The following STAG1 variants were observed in gnomAD, a reference collection of about 807,000 sequenced individuals.
STAG1 encodes cohesin subunit SA-1.
STAG1 carries 26 observed loss-of-function variants against 170.9 expected under a neutral mutation model. The observed-to-expected ratio is 0.15, with a 90% CI of 0.11 to 0.21. The LOEUF is 0.21. STAG1 is among the 10% of genes least tolerant of loss of function. The probability of loss-of-function intolerance (pLI) is 1.00; values close to 1 mark genes in which losing one functional copy is unlikely to be tolerated. For synonymous variants in STAG1, 514 were observed against 497.7 expected, an observed-to-expected ratio of 1.03 and a Z score of -0.44; for missense variants, 964 against 1,509.5, an observed-to-expected ratio of 0.64 and a Z score of 5.99.
intron 1 of STAG1, among the ~76,000 whole-genome samples, chr3:136,639,961 T>C (rs1366166666): frequency 1.3e-5 from 2 of 152,184 alleles, no homozygotes; most frequent in East Asian, 3.8e-4. Context: ...TCTCCCACAA[T>C]TTATAACTCA....
intron 5 of STAG1, among the ~76,000 whole-genome samples, chr3:136,555,341 AAAT>A (rs561651121): frequency 6.6e-6 from 1 of 151,260 alleles, no homozygotes; most frequent in East Asian, 1.9e-4. Context: ...GCGAGTCTCT[AAAT>A]AATAATAATA....
At chr3:136,614,851 G>C (rs961746818) in intron 3 of STAG1, among the ~76,000 whole-genome samples, 14 of 152,264 alleles carry the variant, frequency 9.2e-5, no homozygotes, top group African/African-American at 3.4e-4. Context: ...AGCTGTGAAT[G>C]TGAAATAATC....
chr3:136,697,623 T>TA (rs1942937718), intron 1 of STAG1, among the ~76,000 whole-genome samples: 4 of 152,196 alleles, frequency 2.6e-5, no homozygotes, highest in Admixed American at 2.6e-4. Flanking sequence ...CTAATGTCAA[T>TA]AGCCTAAAGT....
chr3:136,749,801 C>G (rs1406725963), intron 1 of STAG1, among the ~76,000 whole-genome samples: 1 of 151,224 alleles, frequency 6.6e-6, no homozygotes, highest in African/African-American at 2.4e-5. Flanking sequence ...GCAATCACAG[C>G]TGACACCCTG....
At chr3:136,484,367 G>A (rs1219315053) in intron 9 of STAG1, among the ~76,000 whole-genome samples, 1 of 146,518 alleles carries the variant, frequency 6.8e-6, no homozygotes, top group African/African-American at 2.5e-5. Flanking sequence ...CCTGCTGTGG[G>A]GTGTCTCCCA....
intron 22 of STAG1, among the ~76,000 whole-genome samples, chr3:136,392,124 A>G (rs2087025822): frequency 6.6e-6 from 1 of 152,240 alleles, no homozygotes; most frequent in Non-Finnish European, 1.5e-5. Context: ...GGCAGTATGC[A>G]TCAAGAACCT....
In STAG1 at chr3:136,549,223, A is replaced by G. The variant is rs544163738; in HGVS notation, c.395-7028T>C. ...AAGTTCACTTTTAATGTATAGAAAT[A>G]CAACTAAATTTATATGTTGATGTTG... On this transcript the variant is annotated intron_variant, in intron 5 of 33. Coordinates refer to ENST00000383202, the MANE Select transcript of STAG1 (RefSeq NM_005862.3). 3.9e-5 allele frequency among the ~76,000 whole-genome samples: 6 copies of G among 152,342 alleles called. No individual in the cohort carries two copies. In the East Asian group the frequency reaches 1.2e-3, roughly 29 times the overall value.
chr3:136,745,830 AAAAC>A (rs949623994), intron 1 of STAG1, among the ~76,000 whole-genome samples: 32 of 152,210 alleles, frequency 2.1e-4, no homozygotes, highest in African/African-American at 3.6e-4. Context: ...AATAAGGTAA[AAAAC>A]AAACAAACAA....
intron 9 of STAG1, among the ~76,000 whole-genome samples, chr3:136,498,233 T>TATATATATATATATATACACAC: frequency 1.0e-4 from 6 of 57,488 alleles, no homozygotes; most frequent in Non-Finnish European, 1.7e-4. Flanking sequence ...TATATATATA[T>TATATATATATATATATACACAC]ACACATACAT....
At chr3:136,623,030 T>G (rs1939936569) in intron 3 of STAG1, 116 bp downstream of exon 3, 4 of 811,562 alleles carry the variant, frequency 4.9e-6, no homozygotes, top group African/African-American at 1.8e-5. Flanking sequence ...CAATCTCTAT[T>G]GTGTCACTGA....
intron 1 of STAG1, among the ~76,000 whole-genome samples, chr3:136,751,917 CG>C (rs1178828371): frequency 4.0e-5 from 6 of 150,750 alleles, no homozygotes; most frequent in Non-Finnish European, 7.4e-5. Context: ...TTGGTGCCCG[CG>C]GGAGGGGTGG....
chr3:136,542,287 C>A (rs1369275437), intron 5 of STAG1, 92 bp from the exon 6 acceptor site: 2 of 905,400 alleles, frequency 2.2e-6, no homozygotes, highest in Non-Finnish European at 3.5e-6. Flanking sequence ...CTGTGAGAAT[C>A]CCAAAAGAAT....
chr3:136,376,579 G>A (rs1576405325), intron 23 of STAG1, among the ~76,000 whole-genome samples: 1 of 152,290 alleles, frequency 6.6e-6, no homozygotes, highest in South Asian at 2.1e-4. Flanking sequence ...TAGGCATACT[G>A]CATACCCAAT....
intron 22 of STAG1, among the ~76,000 whole-genome samples, chr3:136,380,245 AT>A (rs199882004): frequency 1.4e-3 from 197 of 144,632 alleles, no homozygotes; most frequent in Non-Finnish European, 1.4e-3. Flanking sequence ...AGGCCATAGG[AT>A]TTTTTTTTTT....
chr3:136,412,932 A>G (rs2087667320), intron 21 of STAG1, among the ~76,000 whole-genome samples: 1 of 149,670 alleles, frequency 6.7e-6, no homozygotes. Flanking sequence ...CGTAAATCTC[A>G]GCTCACTGCA....
At chr3:136,573,153 G>A (rs1335113343) in intron 4 of STAG1, among the ~76,000 whole-genome samples, 3 of 151,586 alleles carry the variant, frequency 2.0e-5, no homozygotes, top group Admixed American at 6.6e-5. Context: ...ATTCCAGCCT[G>A]GGTGACAGAG....
At chr3:136,668,944 A>C (rs543851571) in intron 1 of STAG1, among the ~76,000 whole-genome samples, 2 of 152,208 alleles carry the variant, frequency 1.3e-5, no homozygotes, top group Non-Finnish European at 2.9e-5. Context: ...TAATTTTCCA[A>C]CTATGCTTGC....
At chr3:136,722,943 C>T (rs1576812192) in intron 1 of STAG1, among the ~76,000 whole-genome samples, 2 of 152,236 alleles carry the variant, frequency 1.3e-5, no homozygotes, top group Non-Finnish European at 2.9e-5. Flanking sequence ...ATCCGCCAGC[C>T]TCGGCCTCCC....
At chr3:136,552,856 A>ACACCTGCAAAGCAAAG (rs1312427787) in intron 5 of STAG1, among the ~76,000 whole-genome samples, 7 of 152,214 alleles carry the variant, frequency 4.6e-5, no homozygotes, top group African/African-American at 1.7e-4. Context: ...GCGCCCCTGG[A>ACACCTGCAAAGCAAAG]CACCTGCAAA....
Sources: allele counts gnomAD v4.1 joint callset (sites outside exome capture counted in the v4.1 genomes callset), GRCh38; gene constraint gnomAD v4.1.1; transcripts MANE v1.5; gene names NCBI Gene and HGNC (gene_info 2026-07-23, HGNC 2026-07-21).